Variants in DCP1A observed in about 807,000 individuals in gnomAD.
DCP1A encodes the protein mRNA-decapping enzyme 1A.
DCP1A carries 20 observed loss-of-function variants against 58.0 expected under a neutral mutation model. That is an observed-to-expected ratio of 0.34 (90% CI 0.24 to 0.50). DCP1A has a LOEUF of 0.50. Ranked by LOEUF, DCP1A falls within the 20% of genes least tolerant of loss-of-function variation. DCP1A has a pLI of 0.98. For synonymous variants in DCP1A, 285 were observed against 275.1 expected, an observed-to-expected ratio of 1.04 and a Z score of -0.36; for missense variants, 613 against 712.2, an observed-to-expected ratio of 0.86 and a Z score of 1.59.
chr3:53,320,025 G>A (rs1707916487), intron 3 of DCP1A, among the ~76,000 whole-genome samples: 1 of 152,018 alleles, frequency 6.6e-6, no homozygotes, highest in Non-Finnish European at 1.5e-5. Context: ...CTACTTGGGA[G>A]GCTGAGGCAG....
rs1553684730 is a variant in DCP1A, at chr3:53,283,673, AATGAAAGTC to A, written c.*3898_*3906del. ...TTTCAGGGAGCTGAGAATCTGGTAC[AATGAAAGTC>A]ATGAGAGCCACATGGCCAAAGCAGT... is the stretch of plus-strand genomic sequence containing the variant. On this transcript the variant is annotated 3_prime_UTR_variant, in exon 10 of 10. Coordinates refer to ENST00000610213, the MANE Select transcript of DCP1A (RefSeq NM_018403.7). 6.6e-6 allele frequency: 1 copy of A among 152,250 alleles called. No homozygotes were observed. The highest frequency in any genetic ancestry group is 6.5e-5 in the Admixed American group (1 of 15,284). The allele number at this position is 152,250 out of a possible 1,614,324, so 9.4% of individuals were successfully genotyped here.
At chr3:53,347,362 T>C in intron 1 of DCP1A, 21 bp downstream of exon 1, 2 of 1,548,122 alleles carry the variant, frequency 1.3e-6, no homozygotes, top group Non-Finnish European at 1.7e-6. Context: ...GTGGCCGTCC[T>C]CAGGGCCAGG....
At chr3:53,314,415 T>A (rs1437780731) in intron 4 of DCP1A, among the ~76,000 whole-genome samples, 2 of 152,228 alleles carry the variant, frequency 1.3e-5, no homozygotes, top group African/African-American at 2.4e-5. Flanking sequence ...ATGAGCTTCA[T>A]GGTAGACTGA....
chr3:53,319,012 T>C (rs1016114116), intron 4 of DCP1A, among the ~76,000 whole-genome samples: 6 of 152,156 alleles, frequency 3.9e-5, no homozygotes, highest in African/African-American at 1.4e-4. Flanking sequence ...AACAGTAAAG[T>C]TCTGGTTAAA....
At chr3:53,323,812 A>T (rs1224755053) in intron 3 of DCP1A, among the ~76,000 whole-genome samples, 1 of 150,272 alleles carries the variant, frequency 6.7e-6, no homozygotes, top group Admixed American at 6.7e-5. Context: ...CAGTGAGCCG[A>T]GATCGCACCA....
intron 1 of DCP1A, among the ~76,000 whole-genome samples, chr3:53,345,551 A>C (rs1575627393): frequency 1.3e-5 from 2 of 152,278 alleles, no homozygotes; most frequent in East Asian, 3.9e-4. Context: ...ATTTTCTGTG[A>C]CAAGAGTGTA....
chr3:53,292,931 G>T, intron 6 of DCP1A, 104 bp from the exon 7 acceptor site: 1 of 1,174,510 alleles, frequency 8.5e-7, no homozygotes, highest in Non-Finnish European at 1.2e-6. Flanking sequence ...AAGGATGGAT[G>T]GAGTATCAAA....
rs545563039 is a variant in DCP1A, at chr3:53,292,758, G to T, written c.694C>A (p.Pro232Thr). 6.2e-7 allele frequency: 1 copy of T among 1,613,680 alleles called. No homozygotes were observed. Among genetic ancestry groups the T allele is most frequent in the Non-Finnish European group, 8.5e-7 (1 of 1,179,880 alleles). ...LFGTSLPKEQ[P>T]AVVGLDSEEM... ...TCTGAATCCAGACCCACAACTGCTG[G>T]TTGTTCCTTTGGCAAAGAGGTTCCA... The change falls in exon 7 of 10, where the codon CCA becomes ACA. Residue 232 changes from proline (P) to threonine (T), a missense_variant. Physicochemically the swap from Pro to Thr is conservative, Grantham distance 38. Around this residue, in one of 3 missense-constraint regions of DCP1A, gnomAD observed 498 missense variants for 556.7 expected, o/e 0.89. Transcript: ENST00000610213.
intron 5 of DCP1A, among the ~76,000 whole-genome samples, chr3:53,306,770 CAAAAAAAA>C (rs1169051475): frequency 1.4e-4 from 5 of 34,622 alleles, no homozygotes; most frequent in African/African-American, 4.9e-4. Flanking sequence ...GACTCCGTCT[CAAAAAAAA>C]AAAAAAAAAA....
At chr3:53,321,595 C>T (rs868936801) in intron 3 of DCP1A, among the ~76,000 whole-genome samples, 8 of 152,132 alleles carry the variant, frequency 5.3e-5, no homozygotes, top group South Asian at 4.2e-4. Context: ...AGCGCATGCC[C>T]GTAATCCCAG....
intron 2 of DCP1A, 34 bp from the exon 3 acceptor site, chr3:53,342,305 T>C: frequency 6.8e-7 from 1 of 1,476,760 alleles, no homozygotes; most frequent in South Asian, 1.2e-5. Flanking sequence ...AAATATGTAG[T>C]TACCATTTAA....
At chr3:53,325,240 G>A (rs1159294473) in intron 3 of DCP1A, among the ~76,000 whole-genome samples, 1 of 152,152 alleles carries the variant, frequency 6.6e-6, no homozygotes, top group African/African-American at 2.4e-5. Context: ...TGGTATCTTC[G>A]TAAAATCCCT....
chr3:53,328,542 G>GTGC (rs1708174435), intron 3 of DCP1A, among the ~76,000 whole-genome samples: 1 of 151,662 alleles, frequency 6.6e-6, no homozygotes, highest in African/African-American at 2.4e-5. Flanking sequence ...AAGATAAAAA[G>GTGC]TGCTTTTATC....
chr3:53,292,463 T>G lies in DCP1A; in HGVS notation c.989A>C (p.Gln330Pro). 1 of 1,614,004 alleles carries G rather than the reference T, an allele frequency of 6.2e-7. No individual in the cohort carries two copies. The highest frequency in any genetic ancestry group is 1.3e-5 in the African/African-American group (1 of 75,042). ...GTTTCGAGGTAAGCTGGGGGGAACC[T>G]GTGCAGTAGGAGCTTCAGCTGGCAG... is the stretch of plus-strand genomic sequence containing the variant. ...PTLPAEAPTA[Q>P]VPPSLPRNST... Residue 330 changes from glutamine to proline, a missense_variant, in exon 7 of 10, where the codon CAG (glutamine) becomes CCG (proline). By Grantham distance (76) the Gln-to-Pro change is moderately conservative. Transcript: ENST00000610213.
chr3:53,308,660 C>T lies in DCP1A; in HGVS notation c.510+3581G>A, dbSNP rs551581409. On this transcript the variant is annotated intron_variant, in intron 5 of 9. Transcript: ENST00000610213. ...CTGAGCTGGAATGCAGCAGTTCAAT[C>T]ATGGCTCACTGCAGCCTCGAACTGC... Among the ~76,000 whole-genome samples, 7 of 152,248 alleles carry T rather than the reference C, an allele frequency of 4.6e-5. 1 individual carries two copies. In the South Asian group the frequency reaches 1.5e-3, roughly 32 times the overall value.
chr3:53,293,351 C>T (rs753788477), intron 6 of DCP1A, among the ~76,000 whole-genome samples: 5 of 152,180 alleles, frequency 3.3e-5, no homozygotes, highest in African/African-American at 1.2e-4. Context: ...GCATGTAAGC[C>T]TGACAATTTA....
chr3:53,328,740 T>C (rs1708178752), intron 3 of DCP1A, among the ~76,000 whole-genome samples: 1 of 152,206 alleles, frequency 6.6e-6, no homozygotes, highest in African/African-American at 2.4e-5. Context: ...TTTAAAACAT[T>C]TGAACTAACA....
intron 3 of DCP1A, among the ~76,000 whole-genome samples, chr3:53,331,581 A>G (rs1346955908): frequency 1.3e-5 from 2 of 151,208 alleles, no homozygotes; most frequent in African/African-American, 4.9e-5. Context: ...GTGTAAGTAC[A>G]CTCTATGATG....
chr3:53,340,422 T>C (rs781882810), intron 3 of DCP1A, among the ~76,000 whole-genome samples: 1 of 152,188 alleles, frequency 6.6e-6, no homozygotes. Context: ...ATAGAACCTA[T>C]TTCACTTATA....
Sources: allele counts gnomAD v4.1 joint callset (sites outside exome capture counted in the v4.1 genomes callset), GRCh38; gene constraint gnomAD v4.1.1; regional missense constraint gnomAD v4.1.1; transcripts MANE v1.5; gene names NCBI Gene and HGNC (gene_info 2026-07-23, HGNC 2026-07-21).